The following GPSM2 variants were observed in gnomAD, a reference collection of about 807,000 sequenced individuals.
GPSM2 encodes G protein-signaling modulator 2.
In GPSM2, 58 loss-of-function variants were observed where a neutral mutation model predicts 78.4. That is an observed-to-expected ratio of 0.74 (90% confidence interval 0.60 to 0.92). GPSM2 has a LOEUF of 0.92. Among genes scored for constraint, GPSM2 ranks in the 40% least tolerant of loss-of-function variants. GPSM2 has a pLI of 0.00. For missense variants in GPSM2, 700 were observed against 815.5 expected, an observed-to-expected ratio of 0.86 and a Z score of 1.73; for synonymous variants, 224 against 280.2, an observed-to-expected ratio of 0.80 and a Z score of 2.00.
chr1:108,879,079 T>C (rs1324211581), intron 1 of GPSM2, among the ~76,000 whole-genome samples: 1 of 152,254 alleles, frequency 6.6e-6, no homozygotes, highest in Non-Finnish European at 1.5e-5. Context: ...ATCTTTCTGT[T>C]GGAACTATCT....
rs1344462059 is a variant in GPSM2, at chr1:108,933,173, CGTAA to C, written c.*3238_*3241del. The C allele has an allele frequency of 3.8e-5, 5 of 130,176 alleles. No homozygotes were observed. Among genetic ancestry groups the C allele is most frequent in the African/African-American group, 1.2e-4 (4 of 34,044 alleles). The allele number at this position is 130,176 out of a possible 1,614,324, so 8.1% of individuals were successfully genotyped here. A position where few individuals can be genotyped will look rare whatever the true frequency, so the allele number is the denominator to read the frequency against. ...GCCTAAAATTACATTGTTACAGGCACGTAAGTAACACTTCCTGGATCCAAAAATG... is the reference window on the plus strand; with the variant it reads ...GCCTAAAATTACATTGTTACAGGCACGTAACACTTCCTGGATCCAAAAATG... On this transcript the variant is annotated 3_prime_UTR_variant, in exon 15 of 15. Coordinates refer to ENST00000264126, the MANE Select transcript of GPSM2 (RefSeq NM_013296.5).
chr1:108,898,632 G>A lies in GPSM2; in HGVS notation c.558-10G>A, dbSNP rs1241220814. ...AACTTATTTTTTCATCACTTTTTGC[G>A]ATCCCTTAGGGAAAACCTATCATTA... On this transcript the variant is annotated splice_polypyrimidine_tract_variant and intron_variant, in intron 5 of 14. Coordinates refer to ENST00000264126, the MANE Select transcript of GPSM2 (RefSeq NM_013296.5). The A allele has an allele frequency of 5.0e-6, 8 of 1,611,972 alleles. No individual in the cohort carries two copies. Among genetic ancestry groups the A allele is most frequent in the East Asian group, 4.5e-5 (2 of 44,870 alleles).
intron 11 of GPSM2, among the ~76,000 whole-genome samples, chr1:108,916,457 T>C (rs74113539): frequency 0.086 from 13,117 of 152,254 alleles, 597 homozygotes; most frequent in African/African-American, 0.1. Context: ...TTGGAAACTC[T>C]AGTAATTTTT....
rs1647459984 is a variant in GPSM2, at chr1:108,885,491, A to T, written c.-32A>T. On this transcript the variant is annotated 5_prime_UTR_variant, in exon 2 of 15. Transcript: ENST00000264126. ...GACTGGATTGGCACAAAATAAAATAATTTTATTTTATTCAGCTTATAATAT... is the reference window on the plus strand; with the variant it reads ...GACTGGATTGGCACAAAATAAAATATTTTTATTTTATTCAGCTTATAATAT... 1 of 1,239,674 alleles carries T rather than the reference A, an allele frequency of 8.1e-7. No individual in the cohort carries two copies. The highest frequency in any genetic ancestry group is 1.7e-5 in the Admixed American group (1 of 58,300). 76.8% of individuals were successfully genotyped at this position (1,239,674 alleles called of 1,614,324 possible). A position where few individuals can be genotyped will look rare whatever the true frequency, so the allele number is the denominator to read the frequency against.
At chr1:108,912,700 C>T (rs536870697) in intron 10 of GPSM2, among the ~76,000 whole-genome samples, 5 of 151,872 alleles carry the variant, frequency 3.3e-5, no homozygotes, top group African/African-American at 7.2e-5. Flanking sequence ...GCTGTGATTG[C>T]GCCACTGCAC....
At chr1:108,916,244 G>C (rs1030164176) in intron 11 of GPSM2, among the ~76,000 whole-genome samples, 3 of 150,812 alleles carry the variant, frequency 2.0e-5, no homozygotes, top group Admixed American at 1.3e-4. Context: ...GGGTGACAGA[G>C]TGAGACCCTG....
intron 12 of GPSM2, among the ~76,000 whole-genome samples, chr1:108,920,617 C>T (rs1055485962): frequency 1.3e-5 from 2 of 151,620 alleles, no homozygotes; most frequent in African/African-American, 2.4e-5. Flanking sequence ...CGATTTCTTT[C>T]CCCCCAGTCT....
Position 108,932,274 on chromosome 1 carries a change from A to AAAAGT in GPSM2, c.*2338_*2342dup, listed in dbSNP as rs1015689181. On this transcript the variant is annotated 3_prime_UTR_variant, in exon 15 of 15. Transcript: ENST00000264126. ...GGGTGACAGAGCAAAACTCTCAAAA[A>AAAAGT]AAAGTAAAATTTCAAAAAAGCTTCA... 2.3e-4 allele frequency: 35 copies of AAAAGT among 152,292 alleles called. No individual in the cohort carries two copies. The highest frequency in any genetic ancestry group is 7.7e-4 in the African/African-American group (32 of 41,556). The allele number at this position is 152,292 out of a possible 1,614,324, so 9.4% of individuals were successfully genotyped here. A position where few individuals can be genotyped will look rare whatever the true frequency, so the allele number is the denominator to read the frequency against.
Position 108,901,807 on chromosome 1 carries a change from C to G in GPSM2, c.815C>G (p.Ala272Gly). 1 of 1,611,100 alleles carries G rather than the reference C, an allele frequency of 6.2e-7. No individual in the cohort carries two copies. The highest frequency in any genetic ancestry group is 8.5e-7 in the Non-Finnish European group (1 of 1,177,292). Residue 272 changes from alanine (A) to glycine (G), a missense_variant, in exon 8 of 15, where the codon GCC becomes GGC. By Grantham distance (60) the Ala-to-Gly change is moderately conservative. Transcript: ENST00000264126. ...TCTTGTAGGAAGACACTACTGTTGG[C>G]CCGACAGCTTAAAGACCGAGCTGTA... Reference protein sequence around the residue: ...SEYYKKTLLLARQLKDRAVEA... With the variant: ...SEYYKKTLLLGRQLKDRAVEA...
At chr1:108,897,354 A>G in intron 3 of GPSM2, 138 bp from the exon 4 acceptor site, 1 of 805,682 alleles carries the variant, frequency 1.2e-6, no homozygotes, top group African/African-American at 1.7e-5. Context: ...AGTAGGTTTC[A>G]AAGCCAATGG....
chr1:108,902,987 A>G (rs1648930837), intron 8 of GPSM2, 139 bp from the exon 9 acceptor site: 1 of 651,842 alleles, frequency 1.5e-6, no homozygotes, highest in Admixed American at 2.3e-5. Context: ...CTATAATATC[A>G]TGATAGTATG....
intron 2 of GPSM2, among the ~76,000 whole-genome samples, chr1:108,894,687 G>T (rs899948070): frequency 6.6e-6 from 1 of 151,642 alleles, no homozygotes; most frequent in Non-Finnish European, 1.5e-5. Flanking sequence ...GACAGTGAGA[G>T]ACTGTGTCTC....
At chr1:108,885,864 TTTG>T (rs1187670838) in intron 2 of GPSM2, among the ~76,000 whole-genome samples, 1 of 152,222 alleles carries the variant, frequency 6.6e-6, no homozygotes, top group Non-Finnish European at 1.5e-5. Flanking sequence ...ATGAAATATG[TTTG>T]AAAATCTTTG....
At chr1:108,901,171 C>T (rs1055956822) in intron 7 of GPSM2, among the ~76,000 whole-genome samples, 2 of 152,146 alleles carry the variant, frequency 1.3e-5, no homozygotes, top group African/African-American at 4.8e-5. Context: ...TAGTAATTGG[C>T]AAAGTTGGGA....
At chr1:108,909,898 T>A (rs1215569199) in intron 10 of GPSM2, 1 of 88,566 alleles carries the variant, frequency 1.1e-5, no homozygotes, top group African/African-American at 4.9e-5. Context: ...CAAGACGCCA[T>A]CTCCAAAAAA....
At chr1:108,906,122 C>G (rs1649198371) in intron 10 of GPSM2, among the ~76,000 whole-genome samples, 2 of 152,154 alleles carry the variant, frequency 1.3e-5, no homozygotes, top group African/African-American at 2.4e-5. Context: ...AATGTTTTCT[C>G]CTAAACATGT....
At position 108,897,459 on chromosome 1, in the gene GPSM2, G is replaced by GGTTTTTT. The variant is rs746833972; in HGVS notation, c.279-11_279-5dup. The GGTTTTTT allele has an allele frequency of 5.8e-6, 9 of 1,563,984 alleles. No individual in the cohort carries two copies. In the South Asian group the frequency reaches 7.0e-5, roughly 12 times the overall value. On this transcript the variant is annotated intron_variant, in intron 3 of 14. Coordinates refer to ENST00000264126, the MANE Select transcript of GPSM2 (RefSeq NM_013296.5). Reference sequence around the variant, plus strand: ...CACCATTTGTATTTTAATACCATTTGGTTTTTTGTTTTTTGTTTTTTGTTT... The same window carrying GGTTTTTT: ...CACCATTTGTATTTTAATACCATTTGGTTTTTTGTTTTTTGTTTTTTGTTTTTTGTTT...
At chr1:108,916,938 G>C (rs543793988) in intron 11 of GPSM2, among the ~76,000 whole-genome samples, 81 of 152,148 alleles carry the variant, frequency 5.3e-4, no homozygotes, top group African/African-American at 1.9e-3. Context: ...CCTGAACTTG[G>C]ATATGTGAAA....
At chr1:108,891,935 C>T (rs747812700) in intron 2 of GPSM2, among the ~76,000 whole-genome samples, 1 of 152,184 alleles carries the variant, frequency 6.6e-6, no homozygotes. Context: ...TCTAACCATA[C>T]AAATGTAAAT....
Sources: allele counts gnomAD v4.1 joint callset (sites outside exome capture counted in the v4.1 genomes callset), GRCh38; gene constraint gnomAD v4.1.1; transcripts MANE v1.5; gene names NCBI Gene and HGNC (gene_info 2026-07-23, HGNC 2026-07-21).